NAALADL2: variants seen among roughly 807,000 people sequenced by gnomAD.
NAALADL2 encodes N-acetylated alpha-linked acidic dipeptidase like 2, also known as inactive N-acetylated-alpha-linked acidic dipeptidase-like protein 2.
NAALADL2 carries 76 observed loss-of-function variants against 87.2 expected under a neutral mutation model. The observed-to-expected ratio is 0.87, with a 90% CI of 0.72 to 1.05. The LOEUF is 1.05. NAALADL2 is among the 50% of genes least tolerant of loss of function. NAALADL2 has a pLI of 0.00. For synonymous variants in NAALADL2, 354 were observed against 331.0 expected, an observed-to-expected ratio of 1.07 and a Z score of -0.75; for missense variants, 1,089 against 945.8, an observed-to-expected ratio of 1.15 and a Z score of -1.99.
At chr3:175,447,094 C>A in intron 5 of NAALADL2, 135 bp from the exon 6 acceptor site, 1 of 566,786 alleles carries the variant, frequency 1.8e-6, no homozygotes, top group Non-Finnish European at 3.0e-6. Context: ...CAGGGTATAA[C>A]TAAGGAGTAG....
At chr3:175,313,933 G>A (rs560154010) in intron 4 of NAALADL2, among the ~76,000 whole-genome samples, 69 of 151,730 alleles carry the variant, frequency 4.5e-4, no homozygotes, top group East Asian at 1.8e-3. Flanking sequence ...GTGGTGGTGC[G>A]CGCCTGTAGT....
chr3:175,576,282 A>G (rs1718879841), intron 10 of NAALADL2, 95 bp downstream of exon 10: 2 of 1,119,608 alleles, frequency 1.8e-6, no homozygotes, highest in Non-Finnish European at 2.6e-6. Flanking sequence ...CATATCAAAT[A>G]GGTCACTATA....
chr3:175,121,548 T>C (rs1726163310), intron 2 of NAALADL2, among the ~76,000 whole-genome samples: 1 of 151,854 alleles, frequency 6.6e-6, no homozygotes, highest in Non-Finnish European at 1.5e-5. Context: ...CCCCCTTTTA[T>C]GAAGCTAACT....
At chr3:175,548,547 TTAAAA>T (rs1408341880) in intron 9 of NAALADL2, among the ~76,000 whole-genome samples, 1 of 151,894 alleles carries the variant, frequency 6.6e-6, no homozygotes, top group Admixed American at 6.6e-5. Context: ...ACCTCTGAAC[TTAAAA>T]TAAAAGTTAG....
Position 175,723,941 on chromosome 3 carries a change from C to A in NAALADL2, c.1897-13365C>A, listed in dbSNP as rs570903193. Among the ~76,000 whole-genome samples, 407 of 152,148 alleles carry A rather than the reference C, an allele frequency of 2.7e-3. 1 individual carries two copies. The highest frequency in any genetic ancestry group is 9.2e-3 in the African/African-American group (382 of 41,544). ...CCCAAGAACTGTTCTTGGTCCATTGCTGTTCATAGTAACCAGTGTTCTCCT... is the reference window on the plus strand; with the variant it reads ...CCCAAGAACTGTTCTTGGTCCATTGATGTTCATAGTAACCAGTGTTCTCCT... On this transcript the variant is annotated intron_variant, in intron 11 of 13. Coordinates refer to ENST00000454872, the MANE Select transcript of NAALADL2 (RefSeq NM_207015.3).
At chr3:174,517,054 A>G (rs1020216384) in intron 1 of NAALADL2, among the ~76,000 whole-genome samples, 3 of 152,142 alleles carry the variant, frequency 2.0e-5, no homozygotes, top group South Asian at 2.1e-4. Context: ...TACTTTTAAT[A>G]TTAATTTTTA....
At chr3:174,584,419 T>C (rs1716489066) in intron 2 of NAALADL2, among the ~76,000 whole-genome samples, 1 of 152,056 alleles carries the variant, frequency 6.6e-6, no homozygotes, top group African/African-American at 2.4e-5. Flanking sequence ...GAAAATTATT[T>C]TCAAATTTAG....
At chr3:174,630,077 T>G (rs2108690269) in intron 2 of NAALADL2, among the ~76,000 whole-genome samples, 1 of 152,300 alleles carries the variant, frequency 6.6e-6, no homozygotes, top group South Asian at 2.1e-4. Flanking sequence ...AAATGAAAGG[T>G]AATGCATTAT....
intron 1 of NAALADL2, among the ~76,000 whole-genome samples, chr3:174,969,471 C>T (rs966177438): frequency 3.9e-5 from 6 of 152,150 alleles, no homozygotes; most frequent in Admixed American, 3.9e-4. Context: ...TGATAAAGAG[C>T]AATCTCTCAA....
intron 1 of NAALADL2, among the ~76,000 whole-genome samples, chr3:174,976,795 T>A (rs1390528334): frequency 6.6e-6 from 1 of 152,220 alleles, no homozygotes; most frequent in East Asian, 1.9e-4. Context: ...CATTTTAATT[T>A]CTTTTCCAGT....
intron 12 of NAALADL2, among the ~76,000 whole-genome samples, chr3:175,745,977 G>C (rs893862709): frequency 9.9e-5 from 15 of 152,064 alleles, no homozygotes; most frequent in African/African-American, 3.4e-4. Context: ...TAAAGTAAAA[G>C]TAATTTTCAT....
chr3:175,358,364 T>C (rs1764612824), intron 5 of NAALADL2, among the ~76,000 whole-genome samples: 1 of 152,154 alleles, frequency 6.6e-6, no homozygotes, highest in Non-Finnish European at 1.5e-5. Context: ...TTTACAGAAA[T>C]GATTACTGCC....
chr3:174,489,623 A>C (rs1204152388), intron 1 of NAALADL2, among the ~76,000 whole-genome samples: 1 of 151,986 alleles, frequency 6.6e-6, no homozygotes. Flanking sequence ...TATATTAAGG[A>C]CTCTTAGAAC....
At chr3:174,679,886 A>G (rs368776889) in intron 2 of NAALADL2, among the ~76,000 whole-genome samples, 1 of 152,158 alleles carries the variant, frequency 6.6e-6, no homozygotes, top group African/African-American at 2.4e-5. Flanking sequence ...TTTGTTGTCA[A>G]AAATGTTTTG....
intron 1 of NAALADL2, among the ~76,000 whole-genome samples, chr3:175,090,994 C>T (rs1720016714): frequency 6.6e-6 from 1 of 151,804 alleles, no homozygotes; most frequent in Non-Finnish European, 1.5e-5. Flanking sequence ...TATCATTATA[C>T]TGAAGAATTA....
chr3:175,258,711 A>G (rs908634542), intron 4 of NAALADL2, among the ~76,000 whole-genome samples: 1 of 152,122 alleles, frequency 6.6e-6, no homozygotes, highest in Admixed American at 6.6e-5. Flanking sequence ...CTGGGGCTTC[A>G]ATGGAACCAC....
At chr3:175,100,624 G>A (rs1237605779) in intron 2 of NAALADL2, among the ~76,000 whole-genome samples, 1 of 152,090 alleles carries the variant, frequency 6.6e-6, no homozygotes, top group Non-Finnish European at 1.5e-5. Context: ...GATCACCTGA[G>A]GTCAGGAGTT....
At chr3:174,891,885 A>G (rs576415607) in intron 1 of NAALADL2, among the ~76,000 whole-genome samples, 1 of 152,132 alleles carries the variant, frequency 6.6e-6, no homozygotes, top group East Asian at 2.0e-4. Flanking sequence ...CAAAGCTGCA[A>G]AAGAGACTTC....
chr3:174,736,050 G>T (rs1365398699), intron 2 of NAALADL2, among the ~76,000 whole-genome samples: 1 of 152,150 alleles, frequency 6.6e-6, no homozygotes, highest in Non-Finnish European at 1.5e-5. Context: ...GCTGCAGCTG[G>T]TCCAGGTGTA....
Sources: gnomAD v4.1 joint callset for allele counts (sites outside exome capture counted in the v4.1 genomes callset) on GRCh38, gnomAD v4.1.1 for gene constraint, MANE v1.5 for transcripts, NCBI Gene and HGNC (gene_info 2026-07-23, HGNC 2026-07-21) for gene names.